SIPA1L1: variants seen among roughly 807,000 people sequenced by gnomAD.
SIPA1L1 encodes signal-induced proliferation-associated 1-like protein 1.
A neutral mutation model predicts 162.7 loss-of-function variants in SIPA1L1; 26 were observed. The observed-to-expected ratio is 0.16, with a 90% CI of 0.12 to 0.22. The LOEUF is 0.22. Among genes scored for constraint, SIPA1L1 ranks in the 10% least tolerant of loss-of-function variants. The probability of loss-of-function intolerance (pLI) is 1.00; values close to 1 mark genes in which losing one functional copy is unlikely to be tolerated. For missense variants in SIPA1L1, 1,874 were observed against 2,241.0 expected (o/e 0.84, Z 3.31); for synonymous variants, 829 against 837.4 (o/e 0.99, Z 0.17).
intron 17 of SIPA1L1, among the ~76,000 whole-genome samples, chr14:71,717,291 T>C (rs886757740): frequency 1.3e-5 from 2 of 152,172 alleles, no homozygotes; most frequent in African/African-American, 4.8e-5. Flanking sequence ...GGTTGTTCCT[T>C]TTTAGGAAAG....
At chr14:71,392,819 T>G (rs2040872226) in intron 2 of SIPA1L1, among the ~76,000 whole-genome samples, 1 of 152,232 alleles carries the variant, frequency 6.6e-6, no homozygotes, top group South Asian at 2.1e-4. Flanking sequence ...CCACCGCACC[T>G]GGCCGAAACT....
Position 71,740,507 on chromosome 14 carries a change from T to C in SIPA1L1, c.*1346T>C, listed in dbSNP as rs758461519. ...TGTCACTAAACCGACCCCTCTGCCC[T>C]TTCAGTGGCAACTCTGGTCTAAGGG... On this transcript the variant is annotated 3_prime_UTR_variant, in exon 24 of 24. Transcript: ENST00000381232. 3.9e-5 allele frequency: 6 copies of C among 152,186 alleles called. No homozygotes were observed. The East Asian group carries it at 1.2e-3, about 29-fold the overall frequency. The allele number at this position is 152,186 out of a possible 1,614,324, so 9.4% of individuals were successfully genotyped here. A position where few individuals can be genotyped will look rare whatever the true frequency, so the allele number is the denominator to read the frequency against.
chr14:71,699,724 G>A (rs540655488), intron 14 of SIPA1L1, among the ~76,000 whole-genome samples: 68 of 152,278 alleles, frequency 4.5e-4, no homozygotes, highest in Admixed American at 9.2e-4. Flanking sequence ...TTAGATTAGG[G>A]ATCAAATTTG....
At position 71,392,287 on chromosome 14, in the gene SIPA1L1, G is replaced by C. The variant is rs77216747; in HGVS notation, c.-465+71106G>C. Among the ~76,000 whole-genome samples the C allele has an allele frequency of 1.3e-3, 193 of 152,252 alleles. 1 individual carries two copies. The East Asian group carries it at 0.027, about 21-fold the overall frequency. On this transcript the variant is annotated intron_variant, in intron 2 of 23. Coordinates refer to ENST00000381232, the MANE Select transcript of SIPA1L1 (RefSeq NM_001386936.1). ...TCTGGATGTGGCTTCTGCCTTCTCT[G>C]TTGATCGCTTTCTTCTCACTCGCCT...
At chr14:71,366,820 A>C (rs1275088561) in intron 2 of SIPA1L1, among the ~76,000 whole-genome samples, 4 of 152,208 alleles carry the variant, frequency 2.6e-5, no homozygotes, top group Non-Finnish European at 5.9e-5. Flanking sequence ...TGTGGGGATC[A>C]AGTTAAGTAA....
rs1229421188 is a variant in SIPA1L1, at chr14:71,377,716, T to A, written c.-465+56535T>A. Among the ~76,000 whole-genome samples the A allele has an allele frequency of 6.6e-6, 1 of 152,222 alleles. No individual in the cohort carries two copies. Among genetic ancestry groups the A allele is most frequent in the Non-Finnish European group, 1.5e-5 (1 of 68,034 alleles). ...AGCACTGAGTGAGTGAGACTCCGTC[T>A]GCAATCCTGGCACCTCGGGAGGCCG... On this transcript the variant is annotated intron_variant, in intron 2 of 23. Coordinates refer to ENST00000381232, the MANE Select transcript of SIPA1L1 (RefSeq NM_001386936.1). This position sits in a 1 kb window ranked among gnomAD's most constrained non-coding sequence, Gnocchi z 4.8.
In SIPA1L1 at chr14:71,330,572, A is replaced by G. The variant is rs879032732; in HGVS notation, c.-465+9391A>G. The G allele has an allele frequency of 6.7e-6, 8 of 1,198,758 alleles. No individual in the cohort carries two copies. In the African/African-American group the frequency reaches 7.5e-5, roughly 11 times the overall value. The allele number at this position is 1,198,758 out of a possible 1,614,324, so 74.3% of individuals were successfully genotyped here. On this transcript the variant is annotated intron_variant, in intron 2 of 23. Transcript: ENST00000381232. Reference sequence around the variant, plus strand: ...CCTAGCTGGGAGGCCTTTCCTCCTCAGATGTTAAATCCCAACTGAGCTTCA... The same window carrying G: ...CCTAGCTGGGAGGCCTTTCCTCCTCGGATGTTAAATCCCAACTGAGCTTCA...
intron 2 of SIPA1L1, chr14:71,321,760 T>G (rs1203141048): frequency 6.6e-6 from 1 of 152,238 alleles, no homozygotes; most frequent in Non-Finnish European, 1.5e-5. Flanking sequence ...TCGCCCCATC[T>G]GTTACCAGCT....
intron 5 of SIPA1L1, among the ~76,000 whole-genome samples, chr14:71,610,298 A>G (rs1451743139): frequency 1.3e-5 from 2 of 152,198 alleles, no homozygotes; most frequent in East Asian, 1.9e-4. Context: ...ACAGCCTTGT[A>G]ATATAAGTTT....
chr14:71,371,941 T>G (rs1199031380), intron 2 of SIPA1L1, among the ~76,000 whole-genome samples: 3 of 152,194 alleles, frequency 2.0e-5, no homozygotes, highest in Non-Finnish European at 4.4e-5. Context: ...CTCTTAACCC[T>G]TACTTGATCT....
intron 7 of SIPA1L1, among the ~76,000 whole-genome samples, chr14:71,625,080 A>G (rs968359553): frequency 2.0e-5 from 3 of 152,032 alleles, no homozygotes; most frequent in Admixed American, 1.3e-4. Flanking sequence ...CAGGTAGTTT[A>G]TTTATTTTTT....
intron 2 of SIPA1L1, among the ~76,000 whole-genome samples, chr14:71,496,073 A>G (rs200109283): frequency 1.1e-4 from 4 of 34,846 alleles, no homozygotes; most frequent in East Asian, 7.8e-3. Flanking sequence ...AAAAAAAAAG[A>G]AAAAAAAAAA....
chr14:71,672,777 C>T lies in SIPA1L1; in HGVS notation c.3104+155C>T, dbSNP rs77688597. 7.4e-3 allele frequency among the ~76,000 whole-genome samples: 1,121 copies of T among 152,214 alleles called. 10 individuals carry two copies. The highest frequency in any genetic ancestry group is 0.012 in the Non-Finnish European group (807 of 67,996). On this transcript the variant is annotated intron_variant, in intron 12 of 23. Coordinates refer to ENST00000381232, the MANE Select transcript of SIPA1L1 (RefSeq NM_001386936.1). ...TTCATCCATGGAGTCTGACTCAGGA[C>T]GAAGCTCCCTTTCAGTGTGTGGTGA... is the stretch of plus-strand genomic sequence containing the variant.
intron 2 of SIPA1L1, among the ~76,000 whole-genome samples, chr14:71,487,714 G>A (rs1172187994): frequency 2.0e-5 from 3 of 152,152 alleles, no homozygotes; most frequent in Non-Finnish European, 4.4e-5. Context: ...AATGAGGTGA[G>A]GAACAGCAGT....
At chr14:71,339,998 C>A (rs2035482392) in intron 2 of SIPA1L1, among the ~76,000 whole-genome samples, 1 of 152,156 alleles carries the variant, frequency 6.6e-6, no homozygotes, top group Non-Finnish European at 1.5e-5. Context: ...TAATTGCAGT[C>A]ATATTTTGGC....
chr14:71,661,970 C>T (rs547637832), intron 10 of SIPA1L1, among the ~76,000 whole-genome samples: 4 of 152,240 alleles, frequency 2.6e-5, no homozygotes, highest in Admixed American at 6.5e-5. Context: ...TACTTGTTGA[C>T]GTAGTCACAT....
intron 2 of SIPA1L1, among the ~76,000 whole-genome samples, chr14:71,492,744 C>T (rs1360368422): frequency 2.0e-5 from 3 of 152,024 alleles, no homozygotes; most frequent in Non-Finnish European, 4.4e-5. Flanking sequence ...TCTCAGCTTC[C>T]CAAGTAGCTG....
At position 71,323,776 on chromosome 14, in the gene SIPA1L1, C is replaced by T. The variant is rs535018653; in HGVS notation, c.-465+2595C>T. Reference sequence around the variant, plus strand: ...ATATTTATTGAATGCTGCTATCTGGCAGGTGCACTTTTGGTTTCTGTGATT... The same window carrying T: ...ATATTTATTGAATGCTGCTATCTGGTAGGTGCACTTTTGGTTTCTGTGATT... On this transcript the variant is annotated intron_variant, in intron 2 of 23. Transcript: ENST00000381232. Among the ~76,000 whole-genome samples the T allele has an allele frequency of 2.6e-5, 4 of 152,254 alleles. No individual in the cohort carries two copies. The East Asian group carries it at 7.7e-4, about 29-fold the overall frequency.
At chr14:71,525,355 G>A (rs927820063) in intron 3 of SIPA1L1, among the ~76,000 whole-genome samples, 12 of 151,972 alleles carry the variant, frequency 7.9e-5, no homozygotes, top group African/African-American at 2.7e-4. Flanking sequence ...GCTAATTTTT[G>A]TGTGTTTTTA....
Sources: allele counts gnomAD v4.1 joint callset (sites outside exome capture counted in the v4.1 genomes callset), GRCh38; gene constraint gnomAD v4.1.1; non-coding constraint Gnocchi (gnomAD v3.1); transcripts MANE v1.5; gene names NCBI Gene and HGNC (gene_info 2026-07-23, HGNC 2026-07-21).